The following CHAF1A variants were observed in gnomAD, a reference collection of about 807,000 sequenced individuals.
The protein encoded by CHAF1A is CAF-1 subunit A.
A neutral mutation model predicts 93.2 loss-of-function variants in CHAF1A; 5 were observed. That is an observed-to-expected ratio of 0.05 (90% CI 0.03 to 0.11). The LOEUF is 0.11. CHAF1A is among the 10% of genes least tolerant of loss of function. The pLI, the probability that CHAF1A is intolerant of heterozygous loss-of-function variation, is 1.00. For synonymous variants in CHAF1A, 504 were observed against 510.3 expected (o/e 0.99, Z 0.17); for missense variants, 1,102 against 1,259.9 (o/e 0.87, Z 1.90).
At chr19:4,416,619 G>A (rs1215728207) in intron 3 of CHAF1A, among the ~76,000 whole-genome samples, 2 of 150,172 alleles carry the variant, frequency 1.3e-5, no homozygotes, top group East Asian at 2.0e-4. Context: ...GGCTGGGCGC[G>A]GTGGCTCACG....
chr19:4,409,160 G>A lies in CHAF1A; in HGVS notation c.361G>A (p.Glu121Lys), dbSNP rs1267105493. The change falls in exon 3 of 15, where the codon GAG becomes AAG. Residue 121 changes from glutamate to lysine, a missense_variant. By Grantham distance (56) the Glu-to-Lys change is moderately conservative. Around this residue, in one of 6 missense-constraint regions of CHAF1A, gnomAD observed 379 missense variants for 365.7 expected, o/e 1.04. Transcript: ENST00000301280. Reference sequence around the variant, plus strand: ...GAGCACAGTCATCATTGATTTGACAGAGGACTCGAATGAGCAGCCAGACAG... The same window carrying A: ...GAGCACAGTCATCATTGATTTGACAAAGGACTCGAATGAGCAGCCAGACAG... ...GQSTVIIDLT[E>K]DSNEQPDSLV... The A allele has an allele frequency of 6.2e-7, 1 of 1,614,228 alleles. No homozygotes were observed. Among genetic ancestry groups the A allele is most frequent in the Admixed American group, 1.7e-5 (1 of 60,018 alleles).
chr19:4,448,249 C>A, downstream of CHAF1A: 1 of 1,391,650 alleles, frequency 7.2e-7, no homozygotes. Context: ...GAGGGGGTGA[C>A]AGCCCCAGTG....
chr19:4,441,893 G>A (rs763635198), intron 13 of CHAF1A, among the ~76,000 whole-genome samples: 13 of 152,104 alleles, frequency 8.5e-5, no homozygotes, highest in Non-Finnish European at 1.5e-4. Context: ...GCGAGACTCC[G>A]TCTCAAAAAA....
intron 3 of CHAF1A, among the ~76,000 whole-genome samples, chr19:4,411,644 C>CTTTTTTATTTTTTTTTTTTTTTTTTTTTT: frequency 2.1e-5 from 1 of 48,202 alleles, no homozygotes; most frequent in Non-Finnish European, 4.1e-5. Flanking sequence ...TGGTGCAAAT[C>CTTTTTTATTTTTTTTTTTTTTTTTTTTTT]TTTTTTTTTT....
chr19:4,440,705 G>A (rs887134016), intron 13 of CHAF1A, among the ~76,000 whole-genome samples: 5 of 151,748 alleles, frequency 3.3e-5, no homozygotes, highest in East Asian at 1.9e-4. Flanking sequence ...CCTGCCACAC[G>A]CCTGGGCCGT....
chr19:4,434,764 C>T (rs1185672996), intron 13 of CHAF1A, among the ~76,000 whole-genome samples: 1 of 152,154 alleles, frequency 6.6e-6, no homozygotes, highest in Non-Finnish European at 1.5e-5. Flanking sequence ...TAAGCACTTA[C>T]TGTGCTCCAG....
intron 14 of CHAF1A, 73 bp from the exon 15 acceptor site, chr19:4,442,852 G>T: frequency 8.7e-7 from 1 of 1,146,988 alleles, no homozygotes; most frequent in Non-Finnish European, 1.2e-6. Flanking sequence ...CCATGAGGCA[G>T]CAGGGTGGGG....
At chr19:4,437,681 A>T (rs774980971) in intron 13 of CHAF1A, among the ~76,000 whole-genome samples, 2 of 152,050 alleles carry the variant, frequency 1.3e-5, no homozygotes, top group Non-Finnish European at 2.9e-5. Context: ...AGTGGTGTAC[A>T]TCCATATTTT....
chr19:4,424,583 C>T (rs113674198), intron 7 of CHAF1A, among the ~76,000 whole-genome samples: 8,746 of 152,234 alleles, frequency 0.057, 571 homozygotes, highest in African/African-American at 0.16. Flanking sequence ...GTCACCTCAG[C>T]CTTCCCGAGT....
intron 8 of CHAF1A, 41 bp downstream of exon 8, chr19:4,428,931 C>A: frequency 6.5e-7 from 1 of 1,548,186 alleles, no homozygotes; most frequent in Non-Finnish European, 8.9e-7. Context: ...ACTAGTGATG[C>A]TGGAGGCCAG....
chr19:4,436,069 G>T (rs1044929802), intron 13 of CHAF1A, among the ~76,000 whole-genome samples: 1 of 151,956 alleles, frequency 6.6e-6, no homozygotes, highest in African/African-American at 2.4e-5. Flanking sequence ...AACCCAGGAG[G>T]TGGAGGTTGC....
downstream of CHAF1A, chr19:4,449,440 T>G (rs1436783980): frequency 1.3e-5 from 2 of 152,210 alleles, no homozygotes; most frequent in East Asian, 3.9e-4. Flanking sequence ...CAACTGAAAA[T>G]TGGGACCCGG....
In CHAF1A at chr19:4,437,931, C is replaced by T. The variant is rs192948185; in HGVS notation, c.2674-4314C>T. Among the ~76,000 whole-genome samples the T allele has an allele frequency of 1.6e-3, 240 of 151,956 alleles. 2 individuals are homozygous for T. The highest frequency in any genetic ancestry group is 5.0e-3 in the African/African-American group (209 of 41,454). On this transcript the variant is annotated intron_variant, in intron 13 of 14. Transcript: ENST00000301280. Reference sequence around the variant, plus strand: ...ATTTTTTGTATTTTTTTAGTAGAGACGGGGTTTCACTGTGTTAGCCAGGAT... The same window carrying T: ...ATTTTTTGTATTTTTTTAGTAGAGATGGGGTTTCACTGTGTTAGCCAGGAT...
chr19:4,422,742 G>C lies in CHAF1A; in HGVS notation c.1194G>C (p.Ala398=). 6.2e-7 allele frequency: 1 copy of C among 1,613,068 alleles called. No homozygotes were observed. Among genetic ancestry groups the C allele is most frequent in the Non-Finnish European group, 8.5e-7 (1 of 1,179,772 alleles). The change falls in exon 5 of 15, where the codon GCG becomes GCC. Residue 398 remains alanine, a synonymous_variant. Coordinates refer to ENST00000301280, the MANE Select transcript of CHAF1A (RefSeq NM_005483.3). The surrounding 1 kb of genome is among the most constrained non-coding windows in gnomAD (Gnocchi z 4.6). ...GGGAGAAGGATGAGAAGGAGAAGGC[G>C]GAGAAGCAGCGGCTCAAGGAGGAGC... is the stretch of plus-strand genomic sequence containing the variant. ...EKREKDEKEK[A]EKQRLKEERR...
Position 4,422,813 on chromosome 19 carries a change from C to A in CHAF1A, c.1247+18C>A. 6.2e-7 allele frequency: 1 copy of A among 1,606,624 alleles called. No individual in the cohort carries two copies. The highest frequency in any genetic ancestry group is 1.1e-5 in the South Asian group (1 of 90,776). ...GCCCTGGAGTGAGTGTCCTTGGAGG[C>A]CATGCTGGGCCCGCCACCCTGCTGC... On this transcript the variant is annotated intron_variant, in intron 5 of 14. Coordinates refer to ENST00000301280, the MANE Select transcript of CHAF1A (RefSeq NM_005483.3). This position sits in a 1 kb window ranked among gnomAD's most constrained non-coding sequence, Gnocchi z 4.6.
At chr19:4,403,753 G>A (rs1404751895) in intron 1 of CHAF1A, among the ~76,000 whole-genome samples, 2 of 152,262 alleles carry the variant, frequency 1.3e-5, no homozygotes, top group Admixed American at 1.3e-4. Context: ...GAAAATCATG[G>A]CTGTAGTTCC....
In CHAF1A at chr19:4,433,902, T is replaced by C. The variant is rs1381208041; in HGVS notation, c.2673+363T>C. On this transcript the variant is annotated intron_variant, in intron 13 of 14. Coordinates refer to ENST00000301280, the MANE Select transcript of CHAF1A (RefSeq NM_005483.3). This position sits in a 1 kb window ranked among gnomAD's most constrained non-coding sequence, Gnocchi z 5.6. ...GGCGTGAGCCACCTCGCCTGGTGTTTTTGTGTTTTTTAAATAACCTTACTC... is the reference window on the plus strand; with the variant it reads ...GGCGTGAGCCACCTCGCCTGGTGTTCTTGTGTTTTTTAAATAACCTTACTC... 6.6e-6 allele frequency among the ~76,000 whole-genome samples: 1 copy of C among 151,978 alleles called. No individual in the cohort carries two copies. Among genetic ancestry groups the C allele is most frequent in the East Asian group, 1.9e-4 (1 of 5,146 alleles).
downstream of CHAF1A, chr19:4,446,811 A>T (rs752239845): frequency 6.2e-6 from 10 of 1,613,546 alleles, no homozygotes; most frequent in South Asian, 1.1e-4. Context: ...CCCATTCCCT[A>T]CTCAGCCAGG....
downstream of CHAF1A, chr19:4,446,562 G>T (rs372052682): frequency 1.2e-6 from 2 of 1,612,466 alleles, no homozygotes; most frequent in East Asian, 2.2e-5. Context: ...CAGGCAGTTC[G>T]AACTGCGAGG....
Sources: allele counts gnomAD v4.1 joint callset (sites outside exome capture counted in the v4.1 genomes callset), GRCh38; gene constraint gnomAD v4.1.1; regional missense constraint gnomAD v4.1.1; non-coding constraint Gnocchi (gnomAD v3.1); transcripts MANE v1.5; gene names NCBI Gene and HGNC (gene_info 2026-07-23, HGNC 2026-07-21).